PEX14: variants seen among roughly 807,000 people sequenced by gnomAD.
PEX14 encodes the protein peroxisomal biogenesis factor 14, also known as peroxisomal membrane protein PEX14.
Under a neutral mutation model 49.5 loss-of-function variants are expected in PEX14, and 15 were observed. The ratio of observed to expected loss-of-function variants is 0.30; its 90% CI spans 0.20 to 0.47. PEX14 has a LOEUF of 0.47. Ranked by LOEUF, PEX14 falls within the 20% of genes least tolerant of loss-of-function variation. PEX14 has a pLI of 1.00. For synonymous variants in PEX14, 210 were observed against 212.7 expected (o/e 0.99, Z 0.11); for missense variants, 398 against 494.8 (o/e 0.80, Z 1.86).
At position 10,539,364 on chromosome 1, in the gene PEX14, T is replaced by C. The variant is rs180775787; in HGVS notation, c.169+3067T>C. Among the ~76,000 whole-genome samples the C allele has an allele frequency of 6.6e-6, 1 of 152,368 alleles. No individual in the cohort carries two copies. Among genetic ancestry groups the C allele is most frequent in the Admixed American group, 6.5e-5 (1 of 15,306 alleles). On this transcript the variant is annotated intron_variant, in intron 3 of 8. Coordinates refer to ENST00000356607, the MANE Select transcript of PEX14 (RefSeq NM_004565.3). This position sits in a 1 kb window ranked among gnomAD's most constrained non-coding sequence, Gnocchi z 4.6. ...AACGTGAAGTTATTAGAATCATTTA[T>C]CATTTTCTTTGAAGTTTGTACTGCC...
chr1:10,520,184 G>A (rs1158234327), intron 2 of PEX14, among the ~76,000 whole-genome samples: 2 of 89,566 alleles, frequency 2.2e-5, no homozygotes, highest in South Asian at 6.5e-4. Context: ...TAGAGACAAG[G>A]TCTCACTCTG....
Position 10,605,660 on chromosome 1 carries a change from C to A in PEX14, c.298+6294C>A, listed in dbSNP as rs182545962. 6.5e-3 allele frequency among the ~76,000 whole-genome samples: 983 copies of A among 152,300 alleles called. 24 individuals carry two copies. The highest frequency in any genetic ancestry group is 5.0e-3 in the Admixed American group (77 of 15,302). On this transcript the variant is annotated intron_variant, in intron 4 of 8. Transcript: ENST00000356607. ...AGCATGCATGGGTGGCCTCGGGGTT[C>A]CCGTCAGAAAGCAAAATAGCAAATG...
chr1:10,621,562 G>C (rs1308153047), intron 5 of PEX14, among the ~76,000 whole-genome samples: 1 of 152,064 alleles, frequency 6.6e-6, no homozygotes, highest in Middle Eastern at 3.2e-3. Context: ...GGCCAGGCTG[G>C]TCTCGAACGC....
intron 2 of PEX14, among the ~76,000 whole-genome samples, chr1:10,504,976 A>C (rs777883979): frequency 4.0e-5 from 6 of 151,854 alleles, no homozygotes; most frequent in African/African-American, 1.5e-4. Flanking sequence ...GTAGAGACGG[A>C]GTTTCAACAT....
chr1:10,618,182 AT>A, intron 4 of PEX14, 149 bp from the exon 5 acceptor site: 1 of 663,114 alleles, frequency 1.5e-6, no homozygotes. Flanking sequence ...TGCTGTTGTG[AT>A]GATCATGTGC....
At chr1:10,530,774 C>G (rs1638627515) in intron 2 of PEX14, among the ~76,000 whole-genome samples, 1 of 152,194 alleles carries the variant, frequency 6.6e-6, no homozygotes, top group Non-Finnish European at 1.5e-5. Context: ...AGAACTGCCT[C>G]TAGTTTTTGT....
intron 3 of PEX14, among the ~76,000 whole-genome samples, chr1:10,561,214 T>G (rs1639644320): frequency 6.6e-6 from 1 of 152,228 alleles, no homozygotes. Context: ...AAATTAACAC[T>G]AATTCCATAA....
chr1:10,610,587 G>A (rs185900160), intron 4 of PEX14, among the ~76,000 whole-genome samples: 71 of 152,094 alleles, frequency 4.7e-4, no homozygotes, highest in Middle Eastern at 6.8e-3. Context: ...GTGGGTTCAA[G>A]TGATTCTCCT....
At chr1:10,542,266 A>G (rs1390115244) in intron 3 of PEX14, among the ~76,000 whole-genome samples, 3 of 152,182 alleles carry the variant, frequency 2.0e-5, no homozygotes, top group South Asian at 2.1e-4. Flanking sequence ...GAGATAATCT[A>G]TCCACATGAA....
rs1165442719 is a variant in PEX14 at position 10,474,976 on chromosome 1, T to G, written c.10T>G (p.Ser4Ala). 1.9e-6 allele frequency: 3 copies of G among 1,609,176 alleles called. No homozygotes were observed. Among genetic ancestry groups the G allele is most frequent in the Non-Finnish European group, 8.5e-7 (1 of 1,178,176 alleles). ...GTCAGGCCTCAGAAAGATGGCGTCC[T>G]CGGAGCAGGCAGAGCAGCCGAGCCA... is the stretch of plus-strand genomic sequence containing the variant. MAS[S>A]EQAEQPSQPS... The change falls in exon 1 of 9, where the codon TCG (serine) becomes GCG (alanine). Residue 4 changes from serine (S) to alanine (A), a missense_variant. Transcript: ENST00000356607.
chr1:10,615,472 G>T (rs1429409533), intron 4 of PEX14, among the ~76,000 whole-genome samples: 1 of 152,264 alleles, frequency 6.6e-6, no homozygotes, highest in Admixed American at 6.5e-5. Context: ...TTTTCCTGCT[G>T]TGGTATTGGC....
chr1:10,486,689 C>CTTT (rs34311886), intron 1 of PEX14, among the ~76,000 whole-genome samples: 15 of 135,434 alleles, frequency 1.1e-4, no homozygotes, highest in Admixed American at 2.3e-4. Flanking sequence ...GACTCTGTCT[C>CTTT]TTTTTTTTTT....
chr1:10,570,426 G>A (rs956270960), intron 3 of PEX14, among the ~76,000 whole-genome samples: 1 of 151,700 alleles, frequency 6.6e-6, no homozygotes, highest in African/African-American at 2.4e-5. Flanking sequence ...TCCACCTCCC[G>A]TGTTCAAGCG....
chr1:10,618,321 C>T lies in PEX14; in HGVS notation c.299-11C>T. Reference sequence around the variant, plus strand: ...TGCGTCTTCTAACCCTCCTCCTCTTCCCGCCTGTAGGTCCCGCAGGCTCCC... The same window carrying T: ...TGCGTCTTCTAACCCTCCTCCTCTTTCCGCCTGTAGGTCCCGCAGGCTCCC... On this transcript the variant is annotated splice_polypyrimidine_tract_variant and intron_variant, in intron 4 of 8. Coordinates refer to ENST00000356607, the MANE Select transcript of PEX14 (RefSeq NM_004565.3). 6.2e-7 allele frequency: 1 copy of T among 1,612,216 alleles called. No homozygotes were observed. Among genetic ancestry groups the T allele is most frequent in the Non-Finnish European group, 8.5e-7 (1 of 1,178,554 alleles).
intron 3 of PEX14, among the ~76,000 whole-genome samples, chr1:10,589,920 T>C (rs1640609837): frequency 6.6e-6 from 1 of 152,246 alleles, no homozygotes; most frequent in Admixed American, 6.5e-5. Flanking sequence ...CCAGTCTTAA[T>C]AACTTTGCCA....
chr1:10,614,287 T>C (rs1359622623), intron 4 of PEX14, among the ~76,000 whole-genome samples: 1 of 152,342 alleles, frequency 6.6e-6, no homozygotes, highest in East Asian at 1.9e-4. Context: ...TTCAGCTTCT[T>C]GTCTTTATAG....
chr1:10,563,708 A>T (rs1231938612), intron 3 of PEX14, among the ~76,000 whole-genome samples: 2 of 152,048 alleles, frequency 1.3e-5, no homozygotes, highest in African/African-American at 4.8e-5. Context: ...GTGTATCACG[A>T]GGTCAGGAGA....
intron 3 of PEX14, among the ~76,000 whole-genome samples, chr1:10,576,308 C>T (rs1040469582): frequency 1.3e-5 from 2 of 151,984 alleles, no homozygotes; most frequent in African/African-American, 4.8e-5. Flanking sequence ...ATTACAGTAA[C>T]AGCTAACATG....
At chr1:10,585,758 C>T (rs962138233) in intron 3 of PEX14, among the ~76,000 whole-genome samples, 1 of 151,970 alleles carries the variant, frequency 6.6e-6, no homozygotes, top group African/African-American at 2.4e-5. Context: ...TGTCTCTATG[C>T]AGTGGTGCAT....
Sources: allele counts gnomAD v4.1 joint callset (sites outside exome capture counted in the v4.1 genomes callset), GRCh38; gene constraint gnomAD v4.1.1; non-coding constraint Gnocchi (gnomAD v3.1); transcripts MANE v1.5; gene names NCBI Gene and HGNC (gene_info 2026-07-23, HGNC 2026-07-21).